Variants in ARHGEF28 observed in about 807,000 individuals in gnomAD.
The protein encoded by ARHGEF28 is 190 kDa guanine nucleotide exchange factor.
Under a neutral mutation model 206.6 loss-of-function variants are expected in ARHGEF28, and 152 were observed. The ratio of observed to expected loss-of-function variants is 0.74; its 90% CI spans 0.64 to 0.84. The LOEUF (loss-of-function observed/expected upper bound fraction) is 0.84. ARHGEF28 is among the 40% of genes least tolerant of loss of function. The probability of loss-of-function intolerance (pLI) is 0.00; values close to 1 mark genes in which losing one functional copy is unlikely to be tolerated. For synonymous variants in ARHGEF28, 763 were observed against 776.4 expected (o/e 0.98, Z 0.29); for missense variants, 2,028 against 2,073.2 (o/e 0.98, Z 0.42).
intron 2 of ARHGEF28, among the ~76,000 whole-genome samples, chr5:73,690,457 C>CA (rs1652839200): frequency 7.0e-6 from 1 of 142,534 alleles, no homozygotes; most frequent in African/African-American, 2.7e-5. Flanking sequence ...CCTGTAATGT[C>CA]AGCACTTTGA....
intron 2 of ARHGEF28, among the ~76,000 whole-genome samples, chr5:73,718,017 T>C (rs542207523): frequency 2.0e-5 from 3 of 152,224 alleles, no homozygotes; most frequent in South Asian, 4.2e-4. Flanking sequence ...TAGCTGGGAT[T>C]ATAGGCACGC....
chr5:73,682,260 A>G (rs1747156069), intron 1 of ARHGEF28, among the ~76,000 whole-genome samples: 1 of 152,162 alleles, frequency 6.6e-6, no homozygotes, highest in South Asian at 2.1e-4. Flanking sequence ...AGGAAACATG[A>G]CTTGGGACCT....
At chr5:73,809,709 G>T (rs1324018592) in intron 9 of ARHGEF28, among the ~76,000 whole-genome samples, 1 of 152,210 alleles carries the variant, frequency 6.6e-6, no homozygotes, top group Non-Finnish European at 1.5e-5. Context: ...CTTTTAGAAA[G>T]CTGAAACTTC....
At chr5:73,646,350 G>T (rs1744422243) in intron 1 of ARHGEF28, among the ~76,000 whole-genome samples, 1 of 152,322 alleles carries the variant, frequency 6.6e-6, no homozygotes, top group South Asian at 2.1e-4. Flanking sequence ...TCTGAAAAGA[G>T]ATTTGGCTGT....
At chr5:73,635,387 T>C (rs1269745540) in intron 1 of ARHGEF28, among the ~76,000 whole-genome samples, 1 of 152,074 alleles carries the variant, frequency 6.6e-6, no homozygotes, top group East Asian at 1.9e-4. Context: ...CATTTATGTA[T>C]GAGTGGAAAA....
At chr5:73,862,326 C>G (rs1759451313) in intron 16 of ARHGEF28, among the ~76,000 whole-genome samples, 1 of 152,164 alleles carries the variant, frequency 6.6e-6, no homozygotes, top group Non-Finnish European at 1.5e-5. Flanking sequence ...AATACTCCTC[C>G]TGCTTTCCAT....
intron 9 of ARHGEF28, among the ~76,000 whole-genome samples, chr5:73,830,734 TA>T (rs1757245350): frequency 6.6e-6 from 1 of 152,282 alleles, no homozygotes; most frequent in Non-Finnish European, 1.5e-5. Flanking sequence ...TTGGAACTTT[TA>T]TGATGTCCTC....
chr5:73,695,265 G>C (rs1748119339), intron 2 of ARHGEF28, among the ~76,000 whole-genome samples: 1 of 152,198 alleles, frequency 6.6e-6, no homozygotes, highest in South Asian at 2.1e-4. Flanking sequence ...CAATGTTCGT[G>C]AACTCTGCTG....
At chr5:73,935,843 G>A (rs1029412409) in intron 35 of ARHGEF28, among the ~76,000 whole-genome samples, 2 of 152,190 alleles carry the variant, frequency 1.3e-5, no homozygotes, top group Non-Finnish European at 2.9e-5. Flanking sequence ...AAGATACGCA[G>A]TTCTGTTTTG....
At chr5:73,884,637 A>G (rs1397877523) in intron 24 of ARHGEF28, among the ~76,000 whole-genome samples, 2 of 152,198 alleles carry the variant, frequency 1.3e-5, no homozygotes, top group African/African-American at 4.8e-5. Context: ...GTTGCATTGT[A>G]TATACTCAGC....
chr5:73,817,444 A>T (rs916988533), intron 9 of ARHGEF28, among the ~76,000 whole-genome samples: 1 of 152,236 alleles, frequency 6.6e-6, no homozygotes, highest in Non-Finnish European at 1.5e-5. Flanking sequence ...ATGATATCTG[A>T]GTCCCAAAAT....
intron 1 of ARHGEF28, among the ~76,000 whole-genome samples, chr5:73,657,561 C>T (rs1745300731): frequency 6.6e-6 from 1 of 152,138 alleles, no homozygotes; most frequent in Non-Finnish European, 1.5e-5. Flanking sequence ...ATAGTTTTGT[C>T]AAGTGTTTCA....
At position 73,628,594 on chromosome 5, in the gene ARHGEF28, G is replaced by T. The variant is rs1307305090; in HGVS notation, c.-12+2272G>T. On this transcript the variant is annotated intron_variant, in intron 1 of 35. Coordinates refer to ENST00000513042, the MANE Select transcript of ARHGEF28 (RefSeq NM_001177693.2). ...TTTTAGTGAAGCAGAGTAGCTCTGG[G>T]ATCCCCCCACCGGCCCCCGCCCATA... is the stretch of plus-strand genomic sequence containing the variant. Among the ~76,000 whole-genome samples, 3 of 152,286 alleles carry T rather than the reference G, an allele frequency of 2.0e-5. No homozygotes were observed. In the East Asian group the frequency reaches 5.8e-4, roughly 29 times the overall value.
At chr5:73,823,524 C>A (rs2112542510) in intron 9 of ARHGEF28, among the ~76,000 whole-genome samples, 1 of 152,224 alleles carries the variant, frequency 6.6e-6, no homozygotes, top group South Asian at 2.1e-4. Context: ...TCTTTTAGGT[C>A]TTTGAGTCTT....
At chr5:73,648,815 C>T (rs948658983) in intron 1 of ARHGEF28, among the ~76,000 whole-genome samples, 4 of 152,184 alleles carry the variant, frequency 2.6e-5, no homozygotes, top group African/African-American at 9.7e-5. Flanking sequence ...CAGCTTCCCA[C>T]ACCACTCATC....
intron 11 of ARHGEF28, among the ~76,000 whole-genome samples, chr5:73,845,950 T>C (rs1206945210): frequency 7.8e-6 from 1 of 128,040 alleles, no homozygotes; most frequent in Non-Finnish European, 1.6e-5. Context: ...ATTGTGTCAC[T>C]GCACTCCAGC....
intron 28 of ARHGEF28, among the ~76,000 whole-genome samples, chr5:73,894,192 G>A (rs1264625342): frequency 1.3e-5 from 2 of 152,204 alleles, no homozygotes. Flanking sequence ...AGCTGAGAAA[G>A]TTGTTAAGTC....
At chr5:73,846,716 A>G (rs934794919) in intron 12 of ARHGEF28, among the ~76,000 whole-genome samples, 3 of 152,124 alleles carry the variant, frequency 2.0e-5, no homozygotes, top group African/African-American at 7.2e-5. Flanking sequence ...AGTACATACC[A>G]TCTTTCTTTC....
At chr5:73,663,338 T>G (rs1276247450) in intron 1 of ARHGEF28, among the ~76,000 whole-genome samples, 3 of 152,218 alleles carry the variant, frequency 2.0e-5, no homozygotes, top group Non-Finnish European at 4.4e-5. Context: ...ATTTAATATC[T>G]GTGGGCACTA....
Sources: allele counts gnomAD v4.1 joint callset (sites outside exome capture counted in the v4.1 genomes callset), GRCh38; gene constraint gnomAD v4.1.1; transcripts MANE v1.5; gene names NCBI Gene and HGNC (gene_info 2026-07-23, HGNC 2026-07-21).